Variants in C3orf70 observed in about 807,000 individuals in gnomAD.
C3orf70 encodes chromosome 3 open reading frame 70.
C3orf70 carries 15 observed loss-of-function variants against 20.7 expected under a neutral mutation model. That is an observed-to-expected ratio of 0.72 (90% CI 0.48 to 1.11). C3orf70 has a LOEUF of 1.11. Among genes scored for constraint, C3orf70 ranks in the 50% most tolerant of loss-of-function variants. C3orf70 has a pLI of 0.00. For missense variants in C3orf70, 332 were observed against 317.6 expected (o/e 1.05, Z -0.34); for synonymous variants, 161 against 125.7 (o/e 1.28, Z -1.88).
At chr3:185,104,071 CAG>C (rs1177869785) in intron 1 of C3orf70, among the ~76,000 whole-genome samples, 1 of 152,178 alleles carries the variant, frequency 6.6e-6, no homozygotes, top group Non-Finnish European at 1.5e-5. Flanking sequence ...ACAGAGATGA[CAG>C]GAGTTTCTTA....
chr3:185,081,005 A>T lies in C3orf70; in HGVS notation c.*2002T>A, dbSNP rs1421660047. 1 of 152,066 alleles carries T rather than the reference A, an allele frequency of 6.6e-6. No homozygotes were observed. The highest frequency in any genetic ancestry group is 1.5e-5 in the Non-Finnish European group (1 of 68,004). The allele number at this position is 152,066 out of a possible 1,614,324, so 9.4% of individuals were successfully genotyped here. ...ATAGATGTCTTGGCCATCTAAACCT[A>T]AAAAAAAGTTCTATCTAGTAAACGA... On this transcript the variant is annotated 3_prime_UTR_variant, in exon 2 of 2. Transcript: ENST00000335012.
intron 1 of C3orf70, among the ~76,000 whole-genome samples, chr3:185,136,915 C>T (rs200378296): frequency 0.097 from 102 of 1,054 alleles, no homozygotes; most frequent in African/African-American, 0.2. Context: ...CTCAAAACAA[C>T]AACAACAACA....
chr3:185,091,941 ATATATATATATATATATATATATTTTT>A (rs1561330840), intron 1 of C3orf70, among the ~76,000 whole-genome samples: 494 of 7,632 alleles, frequency 0.065, 55 homozygotes, highest in Admixed American at 0.11. Flanking sequence ...ATATATATAT[ATATATATATATATATATATATATTTTT>A]TTTTTTTTTT....
chr3:185,119,901 G>A (rs1189905010), intron 1 of C3orf70, among the ~76,000 whole-genome samples: 1 of 151,462 alleles, frequency 6.6e-6, no homozygotes, highest in African/African-American at 2.4e-5. Context: ...GTGCATGCCT[G>A]TAGTTCCAGC....
At chr3:185,152,520 G>C (rs760109296) in intron 1 of C3orf70, 108 bp downstream of exon 1, 1 of 988,538 alleles carries the variant, frequency 1.0e-6, no homozygotes, top group African/African-American at 1.7e-5. Flanking sequence ...GAGCAGCCCC[G>C]GCAGAGCCCG....
chr3:185,138,415 T>G (rs1378060626), intron 1 of C3orf70, among the ~76,000 whole-genome samples: 5 of 151,112 alleles, frequency 3.3e-5, no homozygotes, highest in African/African-American at 1.2e-4. Flanking sequence ...AAGTTACAAT[T>G]ACCAGACACC....
At chr3:185,130,898 T>TA (rs2108602385) in intron 1 of C3orf70, among the ~76,000 whole-genome samples, 1 of 152,370 alleles carries the variant, frequency 6.6e-6, no homozygotes, top group East Asian at 1.9e-4. Context: ...ACTTTTTGGC[T>TA]ATTATGATTA....
In C3orf70 at chr3:185,077,078, C is replaced by T. The variant is rs1156781507; in HGVS notation, c.*5929G>A. 6.6e-6 allele frequency among the ~76,000 whole-genome samples: 1 copy of T among 151,790 alleles called. No individual in the cohort carries two copies. The highest frequency in any genetic ancestry group is 1.5e-5 in the Non-Finnish European group (1 of 68,000). ...AAGAGGTGATTAAACATGGAAGAAG[C>T]AATGGCCTCATCAGAGCATAGAGAT... On this transcript the variant is annotated 3_prime_UTR_variant, in exon 2 of 2. Coordinates refer to ENST00000335012, the MANE Select transcript of C3orf70 (RefSeq NM_001025266.3).
chr3:185,131,914 A>G (rs188303362), intron 1 of C3orf70, among the ~76,000 whole-genome samples: 4 of 152,350 alleles, frequency 2.6e-5, no homozygotes, highest in Admixed American at 2.6e-4. Flanking sequence ...TTACAAATAA[A>G]CCAACTCCTA....
intron 1 of C3orf70, among the ~76,000 whole-genome samples, chr3:185,103,321 G>A (rs1054520579): frequency 5.3e-5 from 8 of 151,988 alleles, no homozygotes; most frequent in African/African-American, 1.4e-4. Context: ...ACAAAGACAC[G>A]AAAAGCAATT....
intron 1 of C3orf70, among the ~76,000 whole-genome samples, chr3:185,113,167 A>T (rs1300693916): frequency 6.6e-6 from 1 of 152,014 alleles, no homozygotes; most frequent in African/African-American, 2.4e-5. Flanking sequence ...ATGTAGGGCC[A>T]GGCATGGTGG....
intron 1 of C3orf70, among the ~76,000 whole-genome samples, chr3:185,139,876 G>GA (rs201985198): frequency 6.6e-6 from 1 of 151,308 alleles, no homozygotes. Context: ...AAAAATTTTA[G>GA]AAAAAAAATA....
intron 1 of C3orf70, among the ~76,000 whole-genome samples, chr3:185,124,794 C>G (rs775258638): frequency 5.3e-5 from 8 of 151,870 alleles, no homozygotes; most frequent in Middle Eastern, 3.4e-3. Context: ...GTCTGATATC[C>G]AGTATATAGA....
chr3:185,105,852 G>A (rs112533875), intron 1 of C3orf70, among the ~76,000 whole-genome samples: 125 of 152,258 alleles, frequency 8.2e-4, no homozygotes, highest in African/African-American at 2.2e-3. Flanking sequence ...GCTTGGAAGC[G>A]TCAGGGTAAC....
chr3:185,151,033 T>C (rs1287227519), intron 1 of C3orf70, among the ~76,000 whole-genome samples: 4 of 152,200 alleles, frequency 2.6e-5, no homozygotes, highest in South Asian at 2.1e-4. Flanking sequence ...TTCAGCAATG[T>C]ATATATGAAG....
At chr3:185,112,797 T>C (rs1366124043) in intron 1 of C3orf70, among the ~76,000 whole-genome samples, 2 of 152,220 alleles carry the variant, frequency 1.3e-5, no homozygotes, top group Non-Finnish European at 2.9e-5. Flanking sequence ...AGGTAACCTC[T>C]ATTTTGAACT....
At chr3:185,104,827 T>C (rs1187898929) in intron 1 of C3orf70, among the ~76,000 whole-genome samples, 1 of 151,504 alleles carries the variant, frequency 6.6e-6, no homozygotes, top group African/African-American at 2.4e-5. Context: ...AGGTGGAGGG[T>C]AGGAGGAGGG....
At chr3:185,092,849 G>C (rs1715620457) in intron 1 of C3orf70, among the ~76,000 whole-genome samples, 1 of 152,092 alleles carries the variant, frequency 6.6e-6, no homozygotes, top group African/African-American at 2.4e-5. Context: ...AAATTAGTTG[G>C]GTGCGGTGGC....
At chr3:185,134,637 CA>C (rs1188769533) in intron 1 of C3orf70, among the ~76,000 whole-genome samples, 2 of 151,856 alleles carry the variant, frequency 1.3e-5, no homozygotes, top group African/African-American at 4.8e-5. Flanking sequence ...CCTAAAATGA[CA>C]AAAAAAACTT....
Sources: gnomAD v4.1 joint callset for allele counts (sites outside exome capture counted in the v4.1 genomes callset) on GRCh38, gnomAD v4.1.1 for gene constraint, MANE v1.5 for transcripts, NCBI Gene and HGNC (gene_info 2026-07-23, HGNC 2026-07-21) for gene names.